The following MEI4 variants were observed in gnomAD, a reference collection of about 807,000 sequenced individuals.
MEI4 encodes meiotic double-stranded break formation protein 4.
In MEI4, 27 loss-of-function variants were observed where a neutral mutation model predicts 31.4. That is an observed-to-expected ratio of 0.86 (90% CI 0.63 to 1.19). MEI4 has a LOEUF of 1.19. MEI4 is among the 50% of genes most tolerant of loss of function. MEI4 has a pLI of 0.00. For missense variants in MEI4, 329 were observed against 398.9 expected (o/e 0.82, Z 1.49); for synonymous variants, 122 against 145.4 (o/e 0.84, Z 1.16).
intron 2 of MEI4, among the ~76,000 whole-genome samples, chr6:77,730,148 G>C (rs1169535324): frequency 6.6e-6 from 1 of 152,074 alleles, no homozygotes; most frequent in East Asian, 1.9e-4. Context: ...GGGGCTAGAC[G>C]GTGGAGAGAG....
intron 3 of MEI4, among the ~76,000 whole-genome samples, chr6:77,797,413 A>G (rs1769108146): frequency 6.6e-6 from 1 of 152,138 alleles, no homozygotes; most frequent in Non-Finnish European, 1.5e-5. Context: ...TGAAATGGGA[A>G]TAAACTTGCA....
chr6:77,811,127 A>T (rs901288870), intron 3 of MEI4, among the ~76,000 whole-genome samples: 1 of 152,174 alleles, frequency 6.6e-6, no homozygotes, highest in African/African-American at 2.4e-5. Context: ...TTAGAAAACA[A>T]ATATATTTAA....
At chr6:77,714,293 C>A (rs1766532819) in intron 2 of MEI4, among the ~76,000 whole-genome samples, 1 of 151,140 alleles carries the variant, frequency 6.6e-6, no homozygotes, top group Non-Finnish European at 1.5e-5. Context: ...TATAAAATGT[C>A]AATTCTTTTT....
At chr6:77,862,860 A>G (rs550428866) in intron 4 of MEI4, among the ~76,000 whole-genome samples, 33 of 152,230 alleles carry the variant, frequency 2.2e-4, no homozygotes, top group Middle Eastern at 6.8e-3. Flanking sequence ...ATGGCTGGGT[A>G]CTCCTCTGAG....
chr6:77,873,780 T>C (rs1163128374), intron 4 of MEI4, among the ~76,000 whole-genome samples: 2 of 152,206 alleles, frequency 1.3e-5, no homozygotes, highest in Non-Finnish European at 2.9e-5. Context: ...TTAATTTTTG[T>C]ATAAGGTGTA....
chr6:77,700,160 G>C (rs567933667), intron 2 of MEI4, among the ~76,000 whole-genome samples: 393 of 152,312 alleles, frequency 2.6e-3, no homozygotes, highest in African/African-American at 9.2e-3. Flanking sequence ...GGCTACTGCT[G>C]TCTTTTTGTT....
chr6:77,794,426 G>A (rs796537123), intron 3 of MEI4, among the ~76,000 whole-genome samples: 10 of 152,194 alleles, frequency 6.6e-5, no homozygotes, highest in African/African-American at 2.2e-4. Context: ...AGCCGGGTGT[G>A]GTGGTGGGTG....
At chr6:77,788,469 G>C (rs1318206232) in intron 3 of MEI4, among the ~76,000 whole-genome samples, 3 of 152,196 alleles carry the variant, frequency 2.0e-5, no homozygotes, top group African/African-American at 7.2e-5. Flanking sequence ...GATTGTCCCT[G>C]TTTGCAGATT....
At chr6:77,810,482 A>C (rs1043215298) in intron 3 of MEI4, among the ~76,000 whole-genome samples, 1 of 149,888 alleles carries the variant, frequency 6.7e-6, no homozygotes, top group African/African-American at 2.4e-5. Flanking sequence ...TATGAGCCTG[A>C]TAAGGGGTGA....
chr6:77,699,707 G>GT (rs1168667842), intron 2 of MEI4, among the ~76,000 whole-genome samples: 1 of 152,122 alleles, frequency 6.6e-6, no homozygotes, highest in Non-Finnish European at 1.5e-5. Context: ...CATCTTTGTG[G>GT]TTTTATCTAC....
chr6:77,729,184 A>T (rs1000153997), intron 2 of MEI4, among the ~76,000 whole-genome samples: 2 of 152,184 alleles, frequency 1.3e-5, no homozygotes, highest in African/African-American at 4.8e-5. Context: ...AATGGGACAT[A>T]TCCTACTTCT....
At chr6:77,829,425 C>T in intron 4 of MEI4, among the ~76,000 whole-genome samples, 1 of 152,044 alleles carries the variant, frequency 6.6e-6, no homozygotes, top group East Asian at 1.9e-4. Context: ...AGTCCTTAAC[C>T]AGTATTTTTC....
chr6:77,815,944 G>A (rs1769679165), intron 3 of MEI4, among the ~76,000 whole-genome samples: 1 of 151,536 alleles, frequency 6.6e-6, no homozygotes, highest in Non-Finnish European at 1.5e-5. Flanking sequence ...CTTATAGGCA[G>A]AGGGTTATAT....
At chr6:77,686,327 G>C (rs1294960648) in intron 1 of MEI4, among the ~76,000 whole-genome samples, 1 of 152,114 alleles carries the variant, frequency 6.6e-6, no homozygotes, top group African/African-American at 2.4e-5. Context: ...AACTCATGGT[G>C]AAGGGTTGCT....
chr6:77,668,445 A>G (rs1768678679), intron 1 of MEI4, among the ~76,000 whole-genome samples: 2 of 152,172 alleles, frequency 1.3e-5, no homozygotes, highest in African/African-American at 4.8e-5. Context: ...TGGGCAACAG[A>G]CTGTATTATT....
chr6:77,740,019 C>G (rs565840124), intron 2 of MEI4, among the ~76,000 whole-genome samples: 1 of 152,266 alleles, frequency 6.6e-6, no homozygotes, highest in South Asian at 2.1e-4. Context: ...TCATTAGTTT[C>G]AAACAATTTA....
chr6:77,714,471 T>C (rs2127661188), intron 2 of MEI4, among the ~76,000 whole-genome samples: 1 of 152,336 alleles, frequency 6.6e-6, no homozygotes, highest in South Asian at 2.1e-4. Flanking sequence ...AAACAACATT[T>C]CCACAAATTT....
intron 1 of MEI4, among the ~76,000 whole-genome samples, chr6:77,670,486 G>C (rs569034607): frequency 6.6e-6 from 1 of 152,140 alleles, no homozygotes; most frequent in East Asian, 1.9e-4. Context: ...GTGGCAACAT[G>C]GCCTAGTCTC....
intron 2 of MEI4, among the ~76,000 whole-genome samples, chr6:77,752,664 C>A (rs954870145): frequency 2.0e-5 from 3 of 152,012 alleles, no homozygotes; most frequent in Admixed American, 6.6e-5. Flanking sequence ...AATCATATCA[C>A]AAAAATGACC....
Sources: allele counts gnomAD v4.1 joint callset (sites outside exome capture counted in the v4.1 genomes callset), GRCh38; gene constraint gnomAD v4.1.1; transcripts MANE v1.5; gene names NCBI Gene and HGNC (gene_info 2026-07-23, HGNC 2026-07-21).